The following VMA22 variants were observed in gnomAD, a reference collection of about 807,000 sequenced individuals.
VMA22 encodes vacuolar ATPase assembly factor VMA22.
At chr2:130,339,502 C>A in the VMA22 span, 1 of 1,337,914 alleles carries the variant, frequency 7.5e-7, no homozygotes, top group Non-Finnish European at 9.7e-7. Flanking sequence ...ATAGTAATAC[C>A]ATTTCATGCC....
the VMA22 span, chr2:130,342,214 C>A: frequency 6.4e-7 from 1 of 1,561,430 alleles, no homozygotes; most frequent in Non-Finnish European, 8.7e-7. Context: ...GATCCTCCAT[C>A]AAGGGGCGTT....
At chr2:130,342,146 A>G in the VMA22 span, 6 of 1,612,270 alleles carry the variant, frequency 3.7e-6, no homozygotes, top group Non-Finnish European at 5.1e-6. Flanking sequence ...CCAGATCTGG[A>G]GCCACCTTCT....
chr2:130,338,812 C>T, the VMA22 span: 1 of 325,764 alleles, frequency 3.1e-6, no homozygotes, highest in African/African-American at 2.2e-5. Context: ...ATCATCCAGC[C>T]ATGAAAGCAC....
At chr2:130,341,289 C>T in the VMA22 span, 74 of 565,036 alleles carry the variant, frequency 1.3e-4, 1 homozygote, top group South Asian at 1.5e-3. Context: ...TTGCCTGTGA[C>T]ACTGATCTTA....
the VMA22 span, chr2:130,341,798 C>CGCGGGCCG: frequency 1.4e-6 from 2 of 1,426,590 alleles, no homozygotes; most frequent in Non-Finnish European, 1.9e-6. Context: ...GGGCCTAGAA[C>CGCGGGCCG]GCGCCCGCCC....
the VMA22 span, chr2:130,339,953 G>C: frequency 2.8e-6 from 2 of 704,842 alleles, no homozygotes; most frequent in African/African-American, 3.7e-5. Flanking sequence ...CTCCAGCCCA[G>C]GCCTCTCCCA....
At chr2:130,339,878 C>A in the VMA22 span, 4 of 1,198,842 alleles carry the variant, frequency 3.3e-6, no homozygotes, top group East Asian at 5.8e-5. Flanking sequence ...AGCTTTAAAC[C>A]AGTGTTTGTG....
At chr2:130,342,627 C>T in the VMA22 span, 1 of 476,602 alleles carries the variant, frequency 2.1e-6, no homozygotes, top group Admixed American at 3.6e-5. Flanking sequence ...TTCTGCACGG[C>T]GGTGGTGGGG....
the VMA22 span, chr2:130,342,250 A>G: frequency 7.3e-5 from 112 of 1,540,374 alleles, 1 homozygote; most frequent in South Asian, 1.3e-3. Flanking sequence ...CCACGCCGGC[A>G]GCACCAAGGC....
At chr2:130,340,234 C>T in the VMA22 span, 1 of 164,676 alleles carries the variant, frequency 6.1e-6, no homozygotes, top group Non-Finnish European at 1.3e-5. Context: ...ACCTCCTCCT[C>T]CAGTGACGCT....
the VMA22 span, chr2:130,342,060 C>T: frequency 3.4e-5 from 55 of 1,613,826 alleles, no homozygotes; most frequent in Admixed American, 6.7e-5. Context: ...CCTCCAGCTC[C>T]TCCAGGTCCC....
the VMA22 span, chr2:130,339,725 C>T: frequency 7.7e-7 from 1 of 1,304,304 alleles, no homozygotes; most frequent in South Asian, 1.2e-5. Flanking sequence ...GGATCACTCG[C>T]TCCAGGAAAC....
At chr2:130,342,338 T>G in the VMA22 span, 2 of 860,604 alleles carry the variant, frequency 2.3e-6, no homozygotes, top group Non-Finnish European at 3.5e-6. Context: ...TTTCTCCAAT[T>G]AGCCCCCAAG....
chr2:130,341,232 T>C, the VMA22 span: 1 of 647,232 alleles, frequency 1.5e-6, no homozygotes, highest in East Asian at 2.8e-5. Flanking sequence ...TGAGACTGTT[T>C]GTCCACTCTT....
At chr2:130,337,942 G>A in the VMA22 span, among the ~76,000 whole-genome samples, 1 of 152,232 alleles carries the variant, frequency 6.6e-6, no homozygotes, top group Non-Finnish European at 1.5e-5. Context: ...GTAAAACAAT[G>A]TGGTACTGGT....
At chr2:130,341,549 G>A in the VMA22 span, 7 of 841,136 alleles carry the variant, frequency 8.3e-6, no homozygotes, top group Middle Eastern at 3.7e-4. Flanking sequence ...AAAACATTCT[G>A]TTCTTCTGCT....
chr2:130,341,318 G>A, the VMA22 span: 1 of 546,432 alleles, frequency 1.8e-6, no homozygotes, highest in Non-Finnish European at 3.2e-6. Flanking sequence ...ACCTGAACAT[G>A]CCAACAGACC....
the VMA22 span, chr2:130,341,784 G>A: frequency 6.3e-7 from 1 of 1,599,776 alleles, no homozygotes; most frequent in Non-Finnish European, 8.5e-7. Flanking sequence ...AGCTTTGGCA[G>A]CCCGGGCCTA....
the VMA22 span, chr2:130,339,457 C>T: frequency 7.1e-7 from 1 of 1,404,904 alleles, no homozygotes; most frequent in East Asian, 2.7e-5. Context: ...TTCCTGGACC[C>T]ATTATATCAC....
Sources: gnomAD v4.1 joint callset for allele counts (sites outside exome capture counted in the v4.1 genomes callset) on GRCh38, gnomAD v4.1.1 for gene constraint, MANE v1.5 for transcripts, NCBI Gene and HGNC (gene_info 2026-07-23, HGNC 2026-07-21) for gene names.